Variants in PLEKHG1 observed in about 807,000 individuals in gnomAD.
PLEKHG1 encodes pleckstrin homology domain-containing family G member 1.
A neutral mutation model predicts 100.8 loss-of-function variants in PLEKHG1; 44 were observed. The observed-to-expected ratio is 0.44, with a 90% confidence interval of 0.34 to 0.56. The LOEUF (loss-of-function observed/expected upper bound fraction) is 0.56, where lower values mean the gene tolerates loss of function less well. Among genes scored for constraint, PLEKHG1 ranks in the 20% least tolerant of loss-of-function variants. The pLI is 0.01. For missense variants in PLEKHG1, 1,545 were observed against 1,720.9 expected (o/e 0.90, Z 1.81); for synonymous variants, 640 against 662.5 (o/e 0.97, Z 0.52).
intron 3 of PLEKHG1, among the ~76,000 whole-genome samples, chr6:150,678,712 AT>A (rs1779840673): frequency 6.6e-6 from 1 of 152,218 alleles, no homozygotes; most frequent in African/African-American, 2.4e-5. Context: ...TAGTGTTCAC[AT>A]TTCAGGGTTG....
At chr6:150,659,097 C>G (rs1449668197) in intron 3 of PLEKHG1, among the ~76,000 whole-genome samples, 9 of 152,160 alleles carry the variant, frequency 5.9e-5, no homozygotes, top group Non-Finnish European at 4.4e-5. Context: ...GTGCACGCAG[C>G]CCAGCCATGC....
In PLEKHG1 at chr6:150,711,951, G is replaced by A. The variant is rs530923309; in HGVS notation, c.-98-21633G>A. On this transcript the variant is annotated intron_variant, in intron 3 of 3. Coordinates refer to the PLEKHG1 transcript ENST00000367326. ...AAAAACTCAGGCCAGTATTCTGACTGCATATGAAGTCAAACTGCTATCACC... is the reference window on the plus strand; with the variant it reads ...AAAAACTCAGGCCAGTATTCTGACTACATATGAAGTCAAACTGCTATCACC... Among the ~76,000 whole-genome samples the A allele has an allele frequency of 1.6e-4, 24 of 152,282 alleles. No individual in the cohort carries two copies. In the South Asian group the frequency reaches 3.7e-3, roughly 24 times the overall value.
intron 6 of PLEKHG1, among the ~76,000 whole-genome samples, chr6:150,801,432 C>T (rs796594477): frequency 9.7e-4 from 122 of 125,840 alleles, no homozygotes; most frequent in Non-Finnish European, 4.0e-4. Flanking sequence ...TTTTTCTTTT[C>T]TTTTCTTTTT....
intron 10 of PLEKHG1, among the ~76,000 whole-genome samples, chr6:150,810,500 GAAAGAAAGAAAGAAAAAGAAAGA>G (rs1787434888): frequency 1.3e-5 from 1 of 76,060 alleles, no homozygotes. Flanking sequence ...AGGAAGGAGG[GAAAGAAAGAAAGAAAAAGAAAGA>G]AAGAAAGAAA....
At chr6:150,717,329 C>A (rs570338825), upstream of PLEKHG1, among the ~76,000 whole-genome samples, 7 of 152,196 alleles carry the variant, frequency 4.6e-5, no homozygotes, top group East Asian at 1.4e-3. Context: ...CATGAGCCAC[C>A]ACACCTGGCC....
rs139347441 is a variant in PLEKHG1 at position 150,634,250 on chromosome 6, C to CAAAAAAAAA, written c.-203-3826_-203-3818dup. On this transcript the variant is annotated intron_variant, in intron 1 of 3. Coordinates refer to the PLEKHG1 transcript ENST00000367326. ...CAAGAGCAAAACTCGATCTCCCCCCCAAAAAAAAAAAAGAAAAAAAGAGGA... is the reference window on the plus strand; with the variant it reads ...CAAGAGCAAAACTCGATCTCCCCCCCAAAAAAAAAAAAAAAAAAAAAGAAAAAAAGAGGA... Among the ~76,000 whole-genome samples the CAAAAAAAAA allele has an allele frequency of 3.0e-3, 355 of 120,276 alleles. 6 individuals are homozygous for CAAAAAAAAA. The highest frequency in any genetic ancestry group is 0.011 in the African/African-American group (334 of 31,374). 78.9% of individuals were successfully genotyped at this position (120,276 alleles called of 152,430 possible).
Position 150,794,398 on chromosome 6 carries a change from G to T in PLEKHG1, c.583-1458G>T, listed in dbSNP as rs995185448. The stretch of plus-strand genomic sequence containing the variant: ...TCCTTATTTTAGTCTGGGCATGGTG[G>T]CTCATGCCTATAATCCCAACACTTT... On this transcript the variant is annotated intron_variant, in intron 4 of 15. Coordinates refer to ENST00000358517, the Ensembl canonical transcript of PLEKHG1. Among the ~76,000 whole-genome samples the T allele has an allele frequency of 4.2e-4, 64 of 152,174 alleles. 1 individual carries two copies. The highest frequency in any genetic ancestry group is 1.4e-3 in the African/African-American group (57 of 41,438).
rs768802541 is a variant in PLEKHG1, at chr6:150,831,745, T to C, written c.2634T>C (p.Pro878=). ...ACAGGCTGCACGCAGAGAGCACCCC[T>C]GAGCTGAGCCGGGACGTGGGGCGCT... The change falls in exon 15 of 16, where the codon CCT becomes CCC. Residue 878 remains proline (P), a synonymous_variant. Transcript: ENST00000358517. The surrounding 1 kb of genome is among the most constrained non-coding windows in gnomAD (Gnocchi z 4.1). 3.1e-6 allele frequency: 5 copies of C among 1,613,716 alleles called. No homozygotes were observed. In the Admixed American group the frequency reaches 8.3e-5, roughly 27 times the overall value.
At chr6:150,757,831 A>G (rs1783929651) in intron 2 of PLEKHG1, among the ~76,000 whole-genome samples, 1 of 152,122 alleles carries the variant, frequency 6.6e-6, no homozygotes, top group Admixed American at 6.5e-5. Flanking sequence ...TTCATTAGCT[A>G]TTCTTCCTGA....
chr6:150,740,395 A>AGCCTTACCTGCTTACC (rs1782789827), intron 2 of PLEKHG1, among the ~76,000 whole-genome samples: 2 of 152,352 alleles, frequency 1.3e-5, no homozygotes, highest in African/African-American at 4.8e-5. Context: ...CCTGCTTAGG[A>AGCCTTACCTGCTTACC]TGCTGGACTA....
intron 2 of PLEKHG1, among the ~76,000 whole-genome samples, chr6:150,640,891 C>G (rs1181688469): frequency 2.0e-5 from 3 of 152,212 alleles, no homozygotes; most frequent in Admixed American, 6.5e-5. Context: ...TAAAGAAATA[C>G]CTATAGTTGC....
At chr6:150,788,140 G>A (rs1360862437) in intron 4 of PLEKHG1, among the ~76,000 whole-genome samples, 2 of 152,130 alleles carry the variant, frequency 1.3e-5, no homozygotes, top group South Asian at 2.1e-4. Flanking sequence ...TATGTGCCAC[G>A]TTGCCAACTC....
intron 13 of PLEKHG1, among the ~76,000 whole-genome samples, chr6:150,823,296 C>A (rs1307782384): frequency 1.3e-5 from 2 of 152,172 alleles, no homozygotes; most frequent in Admixed American, 6.5e-5. Context: ...TCAGCAGAAA[C>A]AATATCATCT....
intron 6 of PLEKHG1, among the ~76,000 whole-genome samples, chr6:150,801,437 CTTTTT>C (rs35282307): frequency 1.8e-5 from 2 of 108,784 alleles, no homozygotes; most frequent in Non-Finnish European, 3.8e-5. Context: ...CTTTTCTTTT[CTTTTT>C]TTTTTTTTTT....
intron 2 of PLEKHG1, among the ~76,000 whole-genome samples, chr6:150,741,162 T>C (rs1003527279): frequency 6.6e-6 from 1 of 152,230 alleles, no homozygotes; most frequent in African/African-American, 2.4e-5. Context: ...ATTTTGAATG[T>C]GATATAAATA....
At chr6:150,650,149 A>AT (rs57159509) in intron 2 of PLEKHG1, among the ~76,000 whole-genome samples, 2,305 of 152,202 alleles carry the variant, frequency 0.015, 63 homozygotes, top group African/African-American at 0.053. Context: ...CCTCACCCCA[A>AT]TGAGCTCGAC....
At chr6:150,687,731 T>G (rs1032079221) in intron 3 of PLEKHG1, among the ~76,000 whole-genome samples, 1 of 152,178 alleles carries the variant, frequency 6.6e-6, no homozygotes, top group African/African-American at 2.4e-5. Flanking sequence ...AGAGCTGGCC[T>G]GCTGCCCCTC....
At chr6:150,821,369 A>T in intron 13 of PLEKHG1, 136 bp downstream of exon 14, 1 of 681,354 alleles carries the variant, frequency 1.5e-6, no homozygotes, top group Non-Finnish European at 2.5e-6. Flanking sequence ...ACTTCTGTAA[A>T]TAAAAGTGTC....
At chr6:150,841,781 A>C (rs953644288) in exon 16 of PLEKHG1, 8 of 152,228 alleles carry the variant, frequency 5.3e-5, no homozygotes, top group African/African-American at 1.9e-4. Flanking sequence ...TTTCTAATCG[A>C]TACAAAGTTA....
Sources: gnomAD v4.1 joint callset for allele counts (sites outside exome capture counted in the v4.1 genomes callset) on GRCh38, gnomAD v4.1.1 for gene constraint, Gnocchi (gnomAD v3.1) non-coding constraint, MANE v1.5 for transcripts, NCBI Gene and HGNC (gene_info 2026-07-23, HGNC 2026-07-21) for gene names.